Variants in HNF4A observed in about 807,000 individuals in gnomAD.
HNF4A encodes the protein hepatocyte nuclear factor 4-alpha.
In HNF4A, 15 loss-of-function variants were observed where a neutral mutation model predicts 52.4. The observed-to-expected ratio is 0.29, with a 90% CI of 0.19 to 0.44. The LOEUF (loss-of-function observed/expected upper bound fraction) is 0.44. Ranked by LOEUF, HNF4A falls within the 20% of genes least tolerant of loss-of-function variation. HNF4A has a pLI of 1.00. For synonymous variants in HNF4A, 280 were observed against 264.4 expected (o/e 1.06, Z -0.57); for missense variants, 479 against 647.2 (o/e 0.74, Z 2.82).
chr20:44,356,696 C>T (rs186879144), intron 1 of HNF4A, among the ~76,000 whole-genome samples: 3 of 152,252 alleles, frequency 2.0e-5, no homozygotes, highest in East Asian at 3.9e-4. Context: ...GTACATTCCA[C>T]GCATAGAAAA....
intron 1 of HNF4A, among the ~76,000 whole-genome samples, chr20:44,392,978 A>G (rs954325560): frequency 2.0e-5 from 3 of 152,240 alleles, no homozygotes; most frequent in Non-Finnish European, 4.4e-5. Context: ...ACAACTGTAC[A>G]GGGCAGTAAC....
chr20:44,374,381 A>G (rs1479212875), intron 1 of HNF4A, among the ~76,000 whole-genome samples: 1 of 152,094 alleles, frequency 6.6e-6, no homozygotes, highest in Non-Finnish European at 1.5e-5. Flanking sequence ...TTATGGCTGC[A>G]TACTATTCCA....
At chr20:44,368,459 G>C (rs2062996785) in intron 1 of HNF4A, among the ~76,000 whole-genome samples, 1 of 151,768 alleles carries the variant, frequency 6.6e-6, no homozygotes, top group Non-Finnish European at 1.5e-5. Flanking sequence ...GAGCCACCAG[G>C]CCCTGCCAGG....
chr20:44,370,682 T>C (rs560484243), intron 1 of HNF4A, among the ~76,000 whole-genome samples: 4 of 152,328 alleles, frequency 2.6e-5, no homozygotes, highest in Admixed American at 2.6e-4. Context: ...AGAACAGTGC[T>C]TGACACACAG....
At chr20:44,414,415 A>G in intron 4 of HNF4A, 92 bp from the exon 5 acceptor site, 1 of 1,586,978 alleles carries the variant, frequency 6.3e-7, no homozygotes, top group Non-Finnish European at 8.6e-7. Flanking sequence ...CCCTCCCCAC[A>G]TCTGATTCCA....
chr20:44,366,743 A>C (rs1268189219), intron 1 of HNF4A, among the ~76,000 whole-genome samples: 1 of 152,242 alleles, frequency 6.6e-6, no homozygotes, highest in Non-Finnish European at 1.5e-5. Flanking sequence ...ATGTTAGAAA[A>C]ATTTATACAT....
intron 1 of HNF4A, among the ~76,000 whole-genome samples, chr20:44,403,259 T>TG (rs2063436095): frequency 6.6e-6 from 1 of 152,212 alleles, no homozygotes; most frequent in Non-Finnish European, 1.5e-5. Flanking sequence ...CAGAAAGATC[T>TG]GGGCTCAAAT....
Position 44,430,262 on chromosome 20 carries a change from G to T in HNF4A, c.*597G>T, listed in dbSNP as rs997065794. 6.5e-6 allele frequency: 1 copy of T among 153,790 alleles called. No individual in the cohort carries two copies. The highest frequency in any genetic ancestry group is 1.4e-5 in the Non-Finnish European group (1 of 69,160). The allele number at this position is 153,790 out of a possible 1,614,324, so 9.5% of individuals were successfully genotyped here. A position where few individuals can be genotyped will look rare whatever the true frequency, so the allele number is the denominator to read the frequency against. The stretch of plus-strand genomic sequence containing the variant: ...CCCCCAGTCATTCTGGGAACATGTT[G>T]TAAGCACTGACTGGGACCAGGCACC... On this transcript the variant is annotated 3_prime_UTR_variant, in exon 10 of 10. Transcript: ENST00000316099.
intron 1 of HNF4A, among the ~76,000 whole-genome samples, chr20:44,382,385 CGTA>C (rs1014859608): frequency 1.8e-4 from 27 of 151,966 alleles, no homozygotes; most frequent in African/African-American, 5.8e-4. Flanking sequence ...ACTACAGGTG[CGTA>C]CCACTACGCA....
At chr20:44,418,259 C>T (rs982224595) in intron 5 of HNF4A, among the ~76,000 whole-genome samples, 166 bp from the exon 6 acceptor site, 1 of 152,168 alleles carries the variant, frequency 6.6e-6, no homozygotes, top group Non-Finnish European at 1.5e-5. Context: ...CTTTCCCCTT[C>T]CAGGTTTCTA....
chr20:44,364,688 T>C (rs113810779), intron 1 of HNF4A, among the ~76,000 whole-genome samples: 24,599 of 152,110 alleles, frequency 0.16, 2,391 homozygotes, highest in Middle Eastern at 0.26. Flanking sequence ...CAGGCTGGTC[T>C]TGAACTCCTG....
intron 8 of HNF4A, chr20:44,424,556 G>A (rs2063793019): frequency 8.4e-7 from 1 of 1,194,248 alleles, no homozygotes; most frequent in Non-Finnish European, 1.2e-6. Context: ...TGGATGCGTG[G>A]ATATCTGTGT....
At chr20:44,363,683 C>G (rs2062941015) in intron 1 of HNF4A, among the ~76,000 whole-genome samples, 1 of 149,602 alleles carries the variant, frequency 6.7e-6, no homozygotes, top group South Asian at 2.1e-4. Flanking sequence ...TCAAGTCCTT[C>G]TCCTGCTGTT....
intron 1 of HNF4A, among the ~76,000 whole-genome samples, chr20:44,360,065 A>T (rs769916840): frequency 6.6e-6 from 1 of 152,138 alleles, no homozygotes; most frequent in Non-Finnish European, 1.5e-5. Context: ...AGTACCTCGA[A>T]TCTCCTTAAA....
At chr20:44,412,759 G>A (rs1018677746) in intron 3 of HNF4A, among the ~76,000 whole-genome samples, 1 of 152,112 alleles carries the variant, frequency 6.6e-6, no homozygotes, top group Non-Finnish European at 1.5e-5. Flanking sequence ...CAGCACTGGG[G>A]TGTGAGGGGA....
At chr20:44,409,613 G>A (rs2063552353) in intron 3 of HNF4A, among the ~76,000 whole-genome samples, 2 of 152,156 alleles carry the variant, frequency 1.3e-5, no homozygotes, top group African/African-American at 2.4e-5. Flanking sequence ...CTGGTCCTGC[G>A]TGTGGTCAGT....
chr20:44,383,499 C>A (rs2063180591), intron 1 of HNF4A, among the ~76,000 whole-genome samples: 1 of 151,656 alleles, frequency 6.6e-6, no homozygotes, highest in Non-Finnish European at 1.5e-5. Context: ...TTCTGACAAT[C>A]TTAGACAGCT....
chr20:44,427,912 A>G (rs894944433), intron 8 of HNF4A, among the ~76,000 whole-genome samples: 3 of 152,190 alleles, frequency 2.0e-5, no homozygotes, highest in African/African-American at 7.2e-5. Context: ...AGATGCTATA[A>G]GTAGGTCAGT....
intron 5 of HNF4A, among the ~76,000 whole-genome samples, chr20:44,416,124 C>G (rs189087610): frequency 6.6e-6 from 1 of 152,172 alleles, no homozygotes; most frequent in African/African-American, 2.4e-5. Context: ...TAACACACCA[C>G]CCCGACCTCC....
Sources: gnomAD v4.1 joint callset for allele counts (sites outside exome capture counted in the v4.1 genomes callset) on GRCh38, gnomAD v4.1.1 for gene constraint, MANE v1.5 for transcripts, NCBI Gene and HGNC (gene_info 2026-07-23, HGNC 2026-07-21) for gene names.